TNFSF4: variants seen among roughly 807,000 people sequenced by gnomAD.
TNFSF4 encodes TNF superfamily member 4, also known as tumor necrosis factor ligand superfamily member 4.
Under a neutral mutation model 7.3 loss-of-function variants are expected in TNFSF4, and 4 were observed. The ratio of observed to expected loss-of-function variants is 0.55; its 90% CI spans 0.27 to 1.25. The LOEUF is 1.25. Among genes scored for constraint, TNFSF4 ranks in the 50% most tolerant of loss-of-function variants. TNFSF4 has a pLI of 0.12. For missense variants in TNFSF4, 181 were observed against 208.8 expected (o/e 0.87, Z 0.82); for synonymous variants, 76 against 83.7 (o/e 0.91, Z 0.50).
chr1:173,295,603 T>C, the TNFSF4 span, among the ~76,000 whole-genome samples: 1 of 151,984 alleles, frequency 6.6e-6, no homozygotes, highest in Non-Finnish European at 1.5e-5. Flanking sequence ...GTGGTGTTAG[T>C]TATTGTTTCT....
the TNFSF4 span, among the ~76,000 whole-genome samples, chr1:173,238,955 T>C: frequency 6.6e-6 from 1 of 152,160 alleles, no homozygotes; most frequent in Non-Finnish European, 1.5e-5. Flanking sequence ...GGCATCATTC[T>C]AATTCAAACT....
chr1:173,289,626 A>G, the TNFSF4 span, among the ~76,000 whole-genome samples: 1 of 152,206 alleles, frequency 6.6e-6, no homozygotes, highest in African/African-American at 2.4e-5. Context: ...CTAATGGCAA[A>G]ATTAACAAAC....
chr1:173,270,005 G>C, the TNFSF4 span, among the ~76,000 whole-genome samples: 3 of 152,208 alleles, frequency 2.0e-5, no homozygotes, highest in East Asian at 5.8e-4. Context: ...CTAAGAAGGG[G>C]TCAGACTGTG....
At chr1:173,279,738 G>A in the TNFSF4 span, among the ~76,000 whole-genome samples, 4 of 151,924 alleles carry the variant, frequency 2.6e-5, no homozygotes, top group Non-Finnish European at 4.4e-5. Context: ...TGTCACCTAG[G>A]TATTTCTCAT....
chr1:173,207,092 A>G lies in TNFSF4; in HGVS notation c.85T>C (p.Ser29Pro), dbSNP rs1437637256. Reference protein sequence around the residue: ...FERNKLLLVASVIQGLGLLLC... With the variant: ...FERNKLLLVAPVIQGLGLLLC... Reference sequence around the variant, plus strand: ...AGCAGCCCCAGTCCCTGAATTACAGAGGCCACCAGCAATAGCTTGTTCCTC... The same window carrying G: ...AGCAGCCCCAGTCCCTGAATTACAGGGGCCACCAGCAATAGCTTGTTCCTC... Residue 29 changes from serine (S) to proline (P), a missense_variant, in exon 1 of 3, where the codon TCT (serine) becomes CCT (proline). Transcript: ENST00000281834. The G allele has an allele frequency of 6.2e-7, 1 of 1,613,858 alleles. No individual in the cohort carries two copies. The highest frequency in any genetic ancestry group is 1.1e-5 in the South Asian group (1 of 91,044).
At chr1:173,204,700 T>C (rs1329283419) in intron 1 of TNFSF4, among the ~76,000 whole-genome samples, 1 of 152,112 alleles carries the variant, frequency 6.6e-6, no homozygotes, top group Non-Finnish European at 1.5e-5. Context: ...CATTATGTCT[T>C]ATAAAATAGA....
chr1:173,244,125 T>A, the TNFSF4 span, among the ~76,000 whole-genome samples: 56 of 152,268 alleles, frequency 3.7e-4, no homozygotes, highest in Middle Eastern at 3.4e-3. Flanking sequence ...CTGAAAACAA[T>A]GCATTTGACA....
At chr1:173,281,427 G>A in the TNFSF4 span, among the ~76,000 whole-genome samples, 10 of 152,076 alleles carry the variant, frequency 6.6e-5, no homozygotes, top group Non-Finnish European at 1.5e-4. Flanking sequence ...TCCTCAAGAT[G>A]AGAGCAAGAA....
chr1:173,445,911 G>T, the TNFSF4 span, among the ~76,000 whole-genome samples: 2 of 152,076 alleles, frequency 1.3e-5, no homozygotes, highest in Admixed American at 6.6e-5. Context: ...GATAACATTG[G>T]AAGTATCACT....
At chr1:173,301,725 C>T in the TNFSF4 span, among the ~76,000 whole-genome samples, 1 of 151,982 alleles carries the variant, frequency 6.6e-6, no homozygotes, top group Non-Finnish European at 1.5e-5. Context: ...CACTATGCTT[C>T]ATTTGATCCA....
chr1:173,314,068 CCTA>C, the TNFSF4 span, among the ~76,000 whole-genome samples: 1 of 151,860 alleles, frequency 6.6e-6, no homozygotes, highest in Non-Finnish European at 1.5e-5. Flanking sequence ...TTCTACATAT[CCTA>C]CTGTCATCTT....
chr1:173,308,951 C>A, the TNFSF4 span, among the ~76,000 whole-genome samples: 4 of 151,888 alleles, frequency 2.6e-5, no homozygotes, highest in African/African-American at 7.2e-5. Context: ...CCTTCCACTG[C>A]ATTCCAGTGA....
chr1:173,197,361 T>C (rs1462150406), intron 1 of TNFSF4, among the ~76,000 whole-genome samples: 1 of 152,198 alleles, frequency 6.6e-6, no homozygotes, highest in East Asian at 1.9e-4. Context: ...ATATAAATCA[T>C]TCTATTACAA....
chr1:173,272,432 G>C, the TNFSF4 span, among the ~76,000 whole-genome samples: 1 of 151,930 alleles, frequency 6.6e-6, no homozygotes, highest in Non-Finnish European at 1.5e-5. Context: ...GCCCATTAGA[G>C]ATTTTTTTTA....
chr1:173,268,326 T>C, the TNFSF4 span, among the ~76,000 whole-genome samples: 1 of 152,072 alleles, frequency 6.6e-6, no homozygotes, highest in African/African-American at 2.4e-5. Context: ...TCTAATACCA[T>C]CTGATGTGAT....
the TNFSF4 span, among the ~76,000 whole-genome samples, chr1:173,411,405 A>C: frequency 6.6e-6 from 1 of 152,202 alleles, no homozygotes. Flanking sequence ...CCTAATCTGG[A>C]CTATAAGAAG....
the TNFSF4 span, among the ~76,000 whole-genome samples, chr1:173,240,162 T>C: frequency 1.3e-5 from 2 of 152,152 alleles, no homozygotes; most frequent in Non-Finnish European, 2.9e-5. Context: ...CATTCCTTCC[T>C]CCCTACCTTT....
the TNFSF4 span, among the ~76,000 whole-genome samples, chr1:173,315,366 CTTATAGGATAA>C: frequency 6.6e-6 from 1 of 152,042 alleles, no homozygotes; most frequent in South Asian, 2.1e-4. Context: ...CATTTATTTC[CTTATAGGATAA>C]AAGTCTGATC....
At chr1:173,382,177 G>A in the TNFSF4 span, among the ~76,000 whole-genome samples, 1 of 152,118 alleles carries the variant, frequency 6.6e-6, no homozygotes, top group East Asian at 1.9e-4. Context: ...CACTCCTGAA[G>A]TCAGCAAGAC....
Sources: allele counts gnomAD v4.1 joint callset (sites outside exome capture counted in the v4.1 genomes callset), GRCh38; gene constraint gnomAD v4.1.1; transcripts MANE v1.5; gene names NCBI Gene and HGNC (gene_info 2026-07-23, HGNC 2026-07-21).